Variants in VGLL1 observed in about 807,000 individuals in gnomAD.
VGLL1 encodes vestigial like family member 1.
Under a neutral mutation model 12.0 loss-of-function variants are expected in VGLL1, and 4 were observed. That is an observed-to-expected ratio of 0.33 (90% CI 0.16 to 0.76). The LOEUF is 0.76. Among genes scored for constraint, VGLL1 ranks in the 30% least tolerant of loss-of-function variants. The pLI, the probability that VGLL1 is intolerant of heterozygous loss-of-function variation, is 0.60. For missense variants in VGLL1, 204 were observed against 208.7 expected, an observed-to-expected ratio of 0.98 and a Z score of 0.14; for synonymous variants, 87 against 81.2, an observed-to-expected ratio of 1.07 and a Z score of -0.39.
chrX:136,547,463 C>T (rs768724297), intron 2 of VGLL1, among the ~76,000 whole-genome samples: 66 of 112,228 alleles, frequency 5.9e-4, no homozygotes, highest in Non-Finnish European at 1.2e-3. Flanking sequence ...TCTTGACCCT[C>T]AGAATTCTGC....
chrX:136,547,549 A>C (rs1170771568), intron 2 of VGLL1, among the ~76,000 whole-genome samples: 1 of 111,764 alleles, frequency 8.9e-6, no homozygotes, highest in Non-Finnish European at 1.9e-5. Flanking sequence ...TTCTTGGCTA[A>C]TCTGTTTTTG....
In VGLL1 at chrX:136,548,628, C is replaced by T; in HGVS notation, c.254C>T (p.Pro85Leu). 5.8e-6 allele frequency: 7 copies of T among 1,211,987 alleles called. No homozygotes were observed. Among genetic ancestry groups the T allele is most frequent in the Non-Finnish European group, 6.7e-6 (6 of 895,533 alleles). The change falls in exon 3 of 5, where the codon CCA becomes CTA. Residue 85 changes from proline to leucine, a missense_variant. Physicochemically the swap from Pro to Leu is moderately conservative, Grantham distance 98. Transcript: ENST00000370634. The part of the protein sequence containing the change: ...MSPNQWRYSS[P>L]WTKPQPEVPV... ...CCAAATCAGTGGCGTTACTCGTCTC[C>T]ATGGACAAAGCCACAACCAGAAGTA...
At chrX:136,549,581 G>T (rs935142718) in intron 3 of VGLL1, among the ~76,000 whole-genome samples, 1 of 110,124 alleles carries the variant, frequency 9.1e-6, no homozygotes, top group Non-Finnish European at 1.9e-5. Flanking sequence ...GGATCCTCCT[G>T]CTTGGTTTCC....
chrX:136,554,266 G>T (rs2025627105), intron 4 of VGLL1, among the ~76,000 whole-genome samples: 1 of 111,244 alleles, frequency 9.0e-6, no homozygotes, highest in African/African-American at 3.3e-5. Flanking sequence ...AGTGACATGT[G>T]ATCAGGGACC....
chrX:136,534,061 C>T (rs1603307959), intron 1 of VGLL1, among the ~76,000 whole-genome samples: 1 of 112,563 alleles, frequency 8.9e-6, no homozygotes, highest in Non-Finnish European at 1.9e-5. Context: ...AGTACTGCCT[C>T]CATGCTTCTC....
At chrX:136,536,255 G>A (rs1603308096) in intron 2 of VGLL1, 21 bp downstream of exon 2, 1 of 1,182,151 alleles carries the variant, frequency 8.5e-7, no homozygotes, top group Non-Finnish European at 1.1e-6. Flanking sequence ...GGGGAGGGAG[G>A]GAGCTGGGAT....
At chrX:136,554,353 A>G (rs1232102836) in intron 4 of VGLL1, among the ~76,000 whole-genome samples, 1 of 109,574 alleles carries the variant, frequency 9.1e-6, no homozygotes, top group Non-Finnish European at 1.9e-5. Context: ...GTCCCTGCAA[A>G]AGCCCGAGAT....
chrX:136,534,775 A>G (rs971428801), intron 1 of VGLL1, among the ~76,000 whole-genome samples: 10 of 111,850 alleles, frequency 8.9e-5, no homozygotes, highest in African/African-American at 3.2e-4. Flanking sequence ...TAAGGGTGCA[A>G]TGGATTCGTT....
At chrX:136,555,182 A>C (rs1169017371) in intron 4 of VGLL1, among the ~76,000 whole-genome samples, 3 of 112,386 alleles carry the variant, frequency 2.7e-5, no homozygotes, top group South Asian at 3.7e-4. Context: ...GGAGTGATCA[A>C]CTGTGTTAAA....
chrX:136,539,221 A>G (rs2075849194), intron 2 of VGLL1, among the ~76,000 whole-genome samples: 1 of 112,009 alleles, frequency 8.9e-6, no homozygotes, highest in South Asian at 3.8e-4. Flanking sequence ...TTTCTATTCT[A>G]CTTGCCTGGT....
intron 4 of VGLL1, among the ~76,000 whole-genome samples, chrX:136,554,700 T>C (rs1373509608): frequency 9.0e-6 from 1 of 111,570 alleles, no homozygotes; most frequent in Non-Finnish European, 1.9e-5. Flanking sequence ...GTATTTGAGA[T>C]CTATGTAGGA....
At position 136,551,020 on chromosome X, in the gene VGLL1, G is replaced by A. The variant is rs146736177; in HGVS notation, c.688+199G>A. The A allele has an allele frequency of 1.9e-3, 680 of 366,998 alleles. 13 individuals are homozygous for A. The East Asian group carries it at 0.028, about 15-fold the overall frequency. The allele number at this position is 366,998 out of a possible 1,213,427, so 30.2% of individuals were successfully genotyped here. A position where few individuals can be genotyped will look rare whatever the true frequency, so the allele number is the denominator to read the frequency against. The stretch of plus-strand genomic sequence containing the variant: ...ATTTTAGCCTCAAAAAAGAGTATAT[G>A]CACTTCCTATCTTGTAAAATTTTAT... On this transcript the variant is annotated intron_variant, in intron 4 of 4. Coordinates refer to ENST00000370634, the MANE Select transcript of VGLL1 (RefSeq NM_016267.4).
intron 2 of VGLL1, among the ~76,000 whole-genome samples, chrX:136,547,692 C>G (rs2075873176): frequency 9.0e-6 from 1 of 111,588 alleles, no homozygotes; most frequent in Non-Finnish European, 1.9e-5. Context: ...TCGAGTCCCC[C>G]TATTTGGTGT....
chrX:136,539,458 C>A (rs1468038171), intron 2 of VGLL1, among the ~76,000 whole-genome samples: 1 of 111,914 alleles, frequency 8.9e-6, no homozygotes, highest in Non-Finnish European at 1.9e-5. Context: ...TATCTGTCCT[C>A]ATCTGATTTG....
chrX:136,551,194 G>A (rs2075885206), intron 4 of VGLL1, among the ~76,000 whole-genome samples: 2 of 110,231 alleles, frequency 1.8e-5, no homozygotes, highest in South Asian at 8.0e-4. Flanking sequence ...CTATGTCCCA[G>A]ATGTTCAGTT....
At chrX:136,537,540 A>G (rs887311183) in intron 2 of VGLL1, among the ~76,000 whole-genome samples, 5 of 111,403 alleles carry the variant, frequency 4.5e-5, no homozygotes, top group Non-Finnish European at 7.5e-5. Flanking sequence ...TATTTACTGT[A>G]ATCATTATCA....
Position 136,535,888 on chromosome X carries a change from G to A in VGLL1, c.-25-108G>A, listed in dbSNP as rs916700687. The A allele has an allele frequency of 2.7e-5, 16 of 601,678 alleles. No homozygotes were observed. The African/African-American group carries it at 3.2e-4, about 12-fold the overall frequency. The allele number at this position is 601,678 out of a possible 1,213,427, so 49.6% of individuals were successfully genotyped here. A position where few individuals can be genotyped will look rare whatever the true frequency, so the allele number is the denominator to read the frequency against. On this transcript the variant is annotated intron_variant, in intron 1 of 4. Coordinates refer to ENST00000370634, the MANE Select transcript of VGLL1 (RefSeq NM_016267.4). ...GGCTCCCTGGGGCCCCAGTGAGCAC[G>A]TGTACCTGGTGGGAGCAAATTGCTT...
At chrX:136,539,790 G>C (rs1379118021) in intron 2 of VGLL1, among the ~76,000 whole-genome samples, 1 of 111,563 alleles carries the variant, frequency 9.0e-6, no homozygotes. Context: ...CTGCCTACTT[G>C]ATCTTCACTT....
intron 1 of VGLL1, among the ~76,000 whole-genome samples, chrX:136,535,366 G>A (rs775177651): frequency 1.1e-4 from 12 of 111,983 alleles, no homozygotes; most frequent in Non-Finnish European, 1.9e-4. Context: ...TCTGCATTTT[G>A]TTCAGAATAT....
Sources: allele counts gnomAD v4.1 joint callset (sites outside exome capture counted in the v4.1 genomes callset), GRCh38; gene constraint gnomAD v4.1.1; transcripts MANE v1.5; gene names NCBI Gene and HGNC (gene_info 2026-07-23, HGNC 2026-07-21).